ZBBX: variants seen among roughly 807,000 people sequenced by gnomAD.
ZBBX encodes the protein zinc finger B-box domain containing, also known as zinc finger B-box domain-containing protein 1.
A neutral mutation model predicts 108.5 loss-of-function variants in ZBBX; 101 were observed. The ratio of observed to expected loss-of-function variants is 0.93; its 90% CI spans 0.79 to 1.10. ZBBX has a LOEUF of 1.10. Among genes scored for constraint, ZBBX ranks in the 50% least tolerant of loss-of-function variants. The pLI is 0.00. For missense variants in ZBBX, 1,009 were observed against 941.4 expected, an observed-to-expected ratio of 1.07 and a Z score of -0.94; for synonymous variants, 356 against 323.4, an observed-to-expected ratio of 1.10 and a Z score of -1.08.
rs534017832 is a variant in ZBBX at position 167,354,599 on chromosome 3, G to A, written c.433-4084C>T. Among the ~76,000 whole-genome samples, 19 of 151,592 alleles carry A rather than the reference G, an allele frequency of 1.3e-4. 1 individual carries two copies. In the South Asian group the frequency reaches 1.7e-3, roughly 13 times the overall value. ...ATGATAAAAACATTATCCTAAATCC[G>A]TAATTTTAAGTGTAAAATAAACTTT... On this transcript the variant is annotated intron_variant, in intron 8 of 21. Coordinates refer to ENST00000675490, the MANE Select transcript of ZBBX (RefSeq NM_001199201.2).
chr3:167,252,562 A>C (rs1406433157), intron 20 of ZBBX, among the ~76,000 whole-genome samples: 1 of 146,666 alleles, frequency 6.8e-6, no homozygotes, highest in Non-Finnish European at 1.5e-5. Context: ...TGAACAGTGC[A>C]CTCATACAAA....
intron 19 of ZBBX, 63 bp from the exon 20 acceptor site, chr3:167,282,558 T>C: frequency 7.2e-7 from 1 of 1,387,844 alleles, no homozygotes; most frequent in South Asian, 1.3e-5. Flanking sequence ...TACTTAAAGA[T>C]ACAAAATACC....
chr3:167,313,254 G>T (rs1336052513), intron 16 of ZBBX, among the ~76,000 whole-genome samples: 1 of 151,998 alleles, frequency 6.6e-6, no homozygotes, highest in Non-Finnish European at 1.5e-5. Context: ...TAGCAACATA[G>T]ATATATAAGC....
chr3:167,347,762 T>C (rs937483096), intron 9 of ZBBX, among the ~76,000 whole-genome samples: 13 of 151,986 alleles, frequency 8.6e-5, no homozygotes, highest in African/African-American at 2.9e-4. Context: ...TCCACTTCCC[T>C]AGTAGACAAT....
At chr3:167,197,970 G>C in the ZBBX span, among the ~76,000 whole-genome samples, 7 of 152,102 alleles carry the variant, frequency 4.6e-5, no homozygotes, top group Non-Finnish European at 1.0e-4. Context: ...TACCATATAA[G>C]TACCAATGTG....
At chr3:167,381,516 T>C (rs951621706), upstream of ZBBX, among the ~76,000 whole-genome samples, 2 of 152,210 alleles carry the variant, frequency 1.3e-5, no homozygotes, top group African/African-American at 4.8e-5. Context: ...GTGGCTATGA[T>C]GGTTGCTATT....
the ZBBX span, among the ~76,000 whole-genome samples, chr3:167,207,451 G>T: frequency 6.6e-6 from 1 of 152,136 alleles, no homozygotes; most frequent in African/African-American, 2.4e-5. Context: ...CTGAAATCCA[G>T]TGCTGCCTCT....
intron 16 of ZBBX, among the ~76,000 whole-genome samples, chr3:167,311,438 C>T (rs773192996): frequency 7.2e-5 from 11 of 151,910 alleles, no homozygotes; most frequent in Non-Finnish European, 1.2e-4. Flanking sequence ...AATTGATAAG[C>T]TAAACTTTAT....
At chr3:167,350,330 GAGTTCTAGATAACTAAAGACATTT>G in intron 9 of ZBBX, 66 bp downstream of exon 9, 3 of 932,772 alleles carry the variant, frequency 3.2e-6, no homozygotes, top group Non-Finnish European at 4.8e-6. Context: ...AAATCATCCT[GAGTTCTAGATAACTAAAGACATTT>G]TAAATGTCTT....
At chr3:167,258,194 G>C (rs1723863064) in intron 20 of ZBBX, among the ~76,000 whole-genome samples, 1 of 152,050 alleles carries the variant, frequency 6.6e-6, no homozygotes, top group South Asian at 2.1e-4. Context: ...TACACTGCTG[G>C]TGGGAATGTA....
At chr3:167,380,730 T>G (rs1177312109), upstream of ZBBX, among the ~76,000 whole-genome samples, 1 of 152,170 alleles carries the variant, frequency 6.6e-6, no homozygotes, top group Non-Finnish European at 1.5e-5. Flanking sequence ...TTTAAATGAT[T>G]TATCAATGGC....
rs1735034562 is a variant in ZBBX, at chr3:167,314,056, A to T, written c.1335T>A (p.His445Gln). Residue 445 changes from histidine to glutamine, a missense_variant, in exon 16 of 22, where the codon CAT becomes CAA. Transcript: ENST00000675490. ...CTCTCTTTCCCTTATCGAAAACATG[A>T]TGTTGATGGATGCCATTTTCATATG... ...SFPYENGIHQ[H>Q]HVFDKGKRDF... 1 of 1,606,788 alleles carries T rather than the reference A, an allele frequency of 6.2e-7. No individual in the cohort carries two copies. The highest frequency in any genetic ancestry group is 1.7e-5 in the Admixed American group (1 of 59,092).
At chr3:167,306,959 T>C (rs1477408525) in intron 16 of ZBBX, among the ~76,000 whole-genome samples, 1 of 152,156 alleles carries the variant, frequency 6.6e-6, no homozygotes, top group Non-Finnish European at 1.5e-5. Context: ...ATCAAATGTT[T>C]ATATAACTCA....
chr3:167,262,471 C>T (rs1325207721), intron 20 of ZBBX, among the ~76,000 whole-genome samples: 1 of 152,170 alleles, frequency 6.6e-6, no homozygotes, highest in Non-Finnish European at 1.5e-5. Flanking sequence ...TAGTAGAATT[C>T]ATCAGTGAAA....
the ZBBX span, among the ~76,000 whole-genome samples, chr3:167,190,670 G>A: frequency 1.3e-5 from 2 of 152,086 alleles, no homozygotes; most frequent in African/African-American, 2.4e-5. Flanking sequence ...GTGAGCCACC[G>A]CGTCCGGCCC....
intron 19 of ZBBX, among the ~76,000 whole-genome samples, chr3:167,286,886 A>G (rs1729800321): frequency 6.6e-6 from 1 of 152,154 alleles, no homozygotes; most frequent in African/African-American, 2.4e-5. Context: ...GAATTCCTCT[A>G]TATACTGGCA....
intron 17 of ZBBX, among the ~76,000 whole-genome samples, chr3:167,305,406 A>G (rs1733452486): frequency 6.6e-6 from 1 of 152,148 alleles, no homozygotes; most frequent in Non-Finnish European, 1.5e-5. Flanking sequence ...TGGGCCTTAA[A>G]GTATCATTTA....
intron 20 of ZBBX, among the ~76,000 whole-genome samples, chr3:167,246,073 A>G (rs914799690): frequency 2.6e-5 from 4 of 152,220 alleles, no homozygotes; most frequent in African/African-American, 9.7e-5. Context: ...TTGAATATGA[A>G]GAAAGGAAAT....
At chr3:167,226,183 C>T in the ZBBX span, among the ~76,000 whole-genome samples, 2 of 151,472 alleles carry the variant, frequency 1.3e-5, no homozygotes, top group Admixed American at 6.6e-5. Flanking sequence ...GAGTTAGAGC[C>T]AGATTTTCAG....
Sources: allele counts gnomAD v4.1 joint callset (sites outside exome capture counted in the v4.1 genomes callset), GRCh38; gene constraint gnomAD v4.1.1; transcripts MANE v1.5; gene names NCBI Gene and HGNC (gene_info 2026-07-23, HGNC 2026-07-21).